The following TYRO3 variants were observed in gnomAD, a reference collection of about 807,000 sequenced individuals.
TYRO3 encodes tyrosine-protein kinase receptor TYRO3.
Under a neutral mutation model 95.2 loss-of-function variants are expected in TYRO3, and 38 were observed. That is an observed-to-expected ratio of 0.40 (90% CI 0.31 to 0.52). The LOEUF (loss-of-function observed/expected upper bound fraction) is 0.52. TYRO3 is among the 20% of genes least tolerant of loss of function. TYRO3 has a pLI of 0.56. For missense variants in TYRO3, 812 were observed against 1,116.4 expected, an observed-to-expected ratio of 0.73 and a Z score of 3.89; for synonymous variants, 367 against 432.9, an observed-to-expected ratio of 0.85 and a Z score of 1.89.
At chr15:41,566,498 TTC>T (rs986646220) in intron 6 of TYRO3, among the ~76,000 whole-genome samples, 4 of 152,156 alleles carry the variant, frequency 2.6e-5, no homozygotes, top group African/African-American at 9.7e-5. Context: ...GCCCTAATGG[TTC>T]TGAGTCTGCT....
In TYRO3 at chr15:41,567,531, G is replaced by T. The variant is rs1595501637; in HGVS notation, c.955G>T (p.Gly319Cys). 1.3e-6 allele frequency: 2 copies of T among 1,561,638 alleles called. No homozygotes were observed. Among genetic ancestry groups the T allele is most frequent in the Non-Finnish European group, 8.6e-7 (1 of 1,157,614 alleles). ...YADWVPFQTK[G>C]LAPASAPQNL... ...TGACTGGGTGCCCTTTCAGACCAAG[G>T]GTCTAGGTAAGGGATGCATAGAGCA... The change falls in exon 7 of 19, where the codon GGT becomes TGT. Residue 319 changes from glycine to cysteine, a missense_variant. Gly to Cys is a radical substitution (Grantham distance 159). Transcript: ENST00000263798.
chr15:41,571,516 G>A (rs780260451), intron 13 of TYRO3, 79 bp from the exon 14 acceptor site: 12 of 996,188 alleles, frequency 1.2e-5, no homozygotes, highest in South Asian at 7.8e-5. Flanking sequence ...GACATCTGAA[G>A]GACAAGACCT....
Position 41,578,164 on chromosome 15 carries a change from G to C in TYRO3, c.2561G>C (p.Gly854Ala), listed in dbSNP as rs374507338. ...GACTGTCGGTACATACTCACCCCCGGAGGGCTGGCTGAGCAGCCAGGGCAG... is the reference window on the plus strand; with the variant it reads ...GACTGTCGGTACATACTCACCCCCGCAGGGCTGGCTGAGCAGCCAGGGCAG... ...PSDCRYILTP[G>A]GLAEQPGQAE... Residue 854 changes from glycine (G) to alanine (A), a missense_variant, in exon 19 of 19, where the codon GGA (glycine) becomes GCA (alanine). Gly to Ala is a moderately conservative substitution (Grantham distance 60). Transcript: ENST00000263798. 5.1e-5 allele frequency: 83 copies of C among 1,613,826 alleles called. No homozygotes were observed. Among genetic ancestry groups the C allele is most frequent in the Non-Finnish European group, 6.8e-5 (80 of 1,180,044 alleles).
At chr15:41,565,542 A>G (rs899908982) in intron 6 of TYRO3, among the ~76,000 whole-genome samples, 1 of 149,790 alleles carries the variant, frequency 6.7e-6, no homozygotes, top group Non-Finnish European at 1.5e-5. Context: ...CCCAGCAGCT[A>G]GGATTAGGAT....
At chr15:41,572,302 C>A in intron 14 of TYRO3, 141 bp from the exon 15 acceptor site, 1 of 1,215,574 alleles carries the variant, frequency 8.2e-7, no homozygotes, top group Non-Finnish European at 1.1e-6. Context: ...GTCCCCAGAC[C>A]AGTGTGGAGC....
At position 41,573,769 on chromosome 15, in the gene TYRO3, A is replaced by G. The variant is rs1211915840; in HGVS notation, c.2236A>G (p.Ile746Val). The change falls in exon 18 of 19, where the codon ATT becomes GTT. Residue 746 changes from isoleucine to valine, a missense_variant. Coordinates refer to ENST00000263798, the MANE Select transcript of TYRO3 (RefSeq NM_006293.4). ...IENAEIYNYLIGGNRLKQPPE... is the reference protein window; with the variant it reads ...IENAEIYNYLVGGNRLKQPPE... Reference sequence around the variant, plus strand: ...AAACGCTGAGATTTACAACTACCTCATTGGCGGGAACCGCCTGAAACAGCC... The same window carrying G: ...AAACGCTGAGATTTACAACTACCTCGTTGGCGGGAACCGCCTGAAACAGCC... The G allele has an allele frequency of 6.2e-7, 1 of 1,614,258 alleles. No individual in the cohort carries two copies. Among genetic ancestry groups the G allele is most frequent in the Admixed American group, 1.7e-5 (1 of 60,028 alleles).
At chr15:41,560,436 C>CGT (rs1555395717) in intron 1 of TYRO3, among the ~76,000 whole-genome samples, 1 of 82,920 alleles carries the variant, frequency 1.2e-5, no homozygotes, top group African/African-American at 4.1e-5. Context: ...TGTGCGCGCG[C>CGT]GCGCGCGCGC....
chr15:41,559,702 C>A (rs2052138813), intron 1 of TYRO3, among the ~76,000 whole-genome samples: 1 of 152,192 alleles, frequency 6.6e-6, no homozygotes, highest in South Asian at 2.1e-4. Flanking sequence ...TAGCTCCCTC[C>A]TTCCCAGTAC....
chr15:41,578,317 G>T lies in TYRO3; in HGVS notation c.*41G>T. On this transcript the variant is annotated 3_prime_UTR_variant, in exon 19 of 19. Coordinates refer to ENST00000263798, the MANE Select transcript of TYRO3 (RefSeq NM_006293.4). ...CATCGGGGCCATTTGGCCGGCTCTG[G>T]TGGCCACTGAGCTGGCTGACTAAGC... 1 of 1,610,570 alleles carries T rather than the reference G, an allele frequency of 6.2e-7. No homozygotes were observed. The highest frequency in any genetic ancestry group is 8.5e-7 in the Non-Finnish European group (1 of 1,178,700).
rs1595503984 is a variant in TYRO3, at chr15:41,571,455, G to T, written c.1661-140G>T. On this transcript the variant is annotated intron_variant, in intron 13 of 18. Coordinates refer to ENST00000263798, the MANE Select transcript of TYRO3 (RefSeq NM_006293.4). The stretch of plus-strand genomic sequence containing the variant: ...TGCTAAGTATCACCACTCCTTGGGG[G>T]TTTCTCCTGCTCATGGCTGGGCTGT... The T allele has an allele frequency of 4.5e-6, 3 of 662,784 alleles. No homozygotes were observed. The East Asian group carries it at 8.0e-5, about 18-fold the overall frequency. 41.1% of individuals were successfully genotyped at this position (662,784 alleles called of 1,614,324 possible).
At position 41,578,528 on chromosome 15, in the gene TYRO3, C is replaced by T; in HGVS notation, c.*252C>T. Reference sequence around the variant, plus strand: ...AGTGGGCCAGTCCTGGTTGTCTGAACCCAGGCAGCTGGCAGGAGTGGGGTG... The same window carrying T: ...AGTGGGCCAGTCCTGGTTGTCTGAATCCAGGCAGCTGGCAGGAGTGGGGTG... On this transcript the variant is annotated 3_prime_UTR_variant, in exon 19 of 19. Transcript: ENST00000263798. 1.8e-6 allele frequency: 1 copy of T among 565,216 alleles called. No homozygotes were observed. The highest frequency in any genetic ancestry group is 3.1e-6 in the Non-Finnish European group (1 of 322,370). The allele number at this position is 565,216 out of a possible 1,614,324, so 35.0% of individuals were successfully genotyped here.
chr15:41,570,621 A>G lies in TYRO3; in HGVS notation c.1501A>G (p.Ser501Gly). The change falls in exon 12 of 19, where the codon AGC becomes GGC. Residue 501 changes from serine to glycine, a missense_variant. Physicochemically the swap from Ser to Gly is moderately conservative, Grantham distance 56. Transcript: ENST00000263798. Reference sequence around the variant, plus strand: ...CCCCACAGTGGACAGCTTGGGCATCAGCGATGAACTAAAGGAAAAACTGGA... The same window carrying G: ...CCCCACAGTGGACAGCTTGGGCATCGGCGATGAACTAAAGGAAAAACTGGA... The part of the protein sequence containing the change: ...IEATLDSLGI[S>G]DELKEKLEDV... 1.2e-6 allele frequency: 2 copies of G among 1,614,166 alleles called. No individual in the cohort carries two copies. Among genetic ancestry groups the G allele is most frequent in the Non-Finnish European group, 8.5e-7 (1 of 1,180,012 alleles).
Position 41,581,489 on chromosome 15 carries a change from G to A in TYRO3, c.*3213G>A, listed in dbSNP as rs547021727. On this transcript the variant is annotated 3_prime_UTR_variant, in exon 19 of 19. Coordinates refer to ENST00000263798, the MANE Select transcript of TYRO3 (RefSeq NM_006293.4). ...CTGTGATTAGCTTTCACTGCAGGTAGTGATTACCTGTGAGATAACATCTGG... is the reference window on the plus strand; with the variant it reads ...CTGTGATTAGCTTTCACTGCAGGTAATGATTACCTGTGAGATAACATCTGG... The A allele has an allele frequency of 2.0e-5, 3 of 152,784 alleles. No individual in the cohort carries two copies. Among genetic ancestry groups the A allele is most frequent in the Middle Eastern group, 3.4e-3 (1 of 294 alleles). 9.5% of individuals were successfully genotyped at this position (152,784 alleles called of 1,614,324 possible). A position where few individuals can be genotyped will look rare whatever the true frequency, so the allele number is the denominator to read the frequency against.
At position 41,564,284 on chromosome 15, in the gene TYRO3, C is replaced by T. The variant is rs751929267; in HGVS notation, c.667+14C>T. On this transcript the variant is annotated intron_variant, in intron 5 of 18. Transcript: ENST00000263798. ...TTCACCTTCAAGGTAGGAGGGCTGG[C>T]AGGGAGGAAGGGTGGATGAGGCCAG... is the stretch of plus-strand genomic sequence containing the variant. The T allele has an allele frequency of 3.7e-6, 6 of 1,613,210 alleles. No homozygotes were observed. The South Asian group carries it at 5.5e-5, about 15-fold the overall frequency.
intron 9 of TYRO3, among the ~76,000 whole-genome samples, chr15:41,569,427 C>T (rs2055767301): frequency 6.6e-6 from 1 of 151,866 alleles, no homozygotes; most frequent in Non-Finnish European, 1.5e-5. Context: ...TATGATTGCA[C>T]CACTGCACTC....
At position 41,561,525 on chromosome 15, in the gene TYRO3, T is replaced by C. The variant is rs1177529198; in HGVS notation, c.309-14T>C. ...CTTGCCCTCGGAAGCAAGCCTCGTA[T>C]CCTGTTTCCACAGCCTGAAGTCAGT... On this transcript the variant is annotated splice_polypyrimidine_tract_variant and intron_variant, in intron 2 of 18. Coordinates refer to ENST00000263798, the MANE Select transcript of TYRO3 (RefSeq NM_006293.4). 1.0e-6 allele frequency: 1 copy of C among 963,594 alleles called. No individual in the cohort carries two copies. The highest frequency in any genetic ancestry group is 2.5e-5 in the East Asian group (1 of 40,498). The allele number at this position is 963,594 out of a possible 1,614,324, so 59.7% of individuals were successfully genotyped here.
intron 17 of TYRO3, 74 bp from the exon 18 acceptor site, chr15:41,573,603 GTC>G: frequency 6.9e-7 from 1 of 1,445,454 alleles, no homozygotes; most frequent in African/African-American, 1.4e-5. Context: ...GGTTGTGCTT[GTC>G]TCAGAGCCAT....
intron 18 of TYRO3, chr15:41,574,589 A>G (rs1566903881): frequency 2.2e-6 from 1 of 450,926 alleles, no homozygotes; most frequent in Non-Finnish European, 4.5e-6. Flanking sequence ...TTGAACCTAG[A>G]TCCCTGTAGT....
In TYRO3 at chr15:41,572,561, C is replaced by T. The variant is rs2055810674; in HGVS notation, c.1872C>T (p.Pro624=). 1 of 1,614,064 alleles carries T rather than the reference C, an allele frequency of 6.2e-7. No homozygotes were observed. Among genetic ancestry groups the T allele is most frequent in the Non-Finnish European group, 8.5e-7 (1 of 1,180,050 alleles). ...TCGCCTCCCGGATTGGGGAGAACCC[C>T]TTTGTGAGTACCTGGTGTGGGGGTG... ...FLLASRIGEN[P]FNLPLQTLIR... Residue 624 remains proline, a synonymous_variant, in exon 15 of 19, where the codon CCC becomes CCT. Transcript: ENST00000263798.
Sources: allele counts gnomAD v4.1 joint callset (sites outside exome capture counted in the v4.1 genomes callset), GRCh38; gene constraint gnomAD v4.1.1; transcripts MANE v1.5; gene names NCBI Gene and HGNC (gene_info 2026-07-23, HGNC 2026-07-21).